The following FAM193B variants were observed in gnomAD, a reference collection of about 807,000 sequenced individuals.
FAM193B encodes the protein protein FAM193B.
In FAM193B, 27 loss-of-function variants were observed where a neutral mutation model predicts 70.7. The observed-to-expected ratio is 0.38, with a 90% CI of 0.28 to 0.53. FAM193B has a LOEUF of 0.53. Ranked by LOEUF, FAM193B falls within the 20% of genes least tolerant of loss-of-function variation. The probability of loss-of-function intolerance (pLI) is 0.81; values close to 1 mark genes in which losing one functional copy is unlikely to be tolerated. For missense variants in FAM193B, 1,022 were observed against 1,072.5 expected, an observed-to-expected ratio of 0.95 and a Z score of 0.66; for synonymous variants, 448 against 436.0, an observed-to-expected ratio of 1.03 and a Z score of -0.34.
At chr5:177,524,111 AC>A in intron 6 of FAM193B, 73 bp downstream of exon 6, 6 of 1,610,284 alleles carry the variant, frequency 3.7e-6, no homozygotes, top group Non-Finnish European at 5.1e-6. Context: ...CGCTGTCTAC[AC>A]ACAAAGGCTG....
intron 1 of FAM193B, chr5:177,553,642 G>A (rs1184572730): frequency 3.9e-6 from 5 of 1,272,192 alleles, no homozygotes; most frequent in Non-Finnish European, 5.1e-6. Flanking sequence ...TTGCGGAGCA[G>A]GGGAGGGAAG....
At position 177,532,137 on chromosome 5, in the gene FAM193B, AT is replaced by A. The variant is rs1763560986; in HGVS notation, c.1275+305del. 1 of 1,372,274 alleles carries A rather than the reference AT, an allele frequency of 7.3e-7. No individual in the cohort carries two copies. Among genetic ancestry groups the A allele is most frequent in the East Asian group, 4.0e-5 (1 of 25,004 alleles). 85.0% of individuals were successfully genotyped at this position (1,372,274 alleles called of 1,614,324 possible). A position where few individuals can be genotyped will look rare whatever the true frequency, so the allele number is the denominator to read the frequency against. On this transcript the variant is annotated intron_variant, in intron 5 of 8. Coordinates refer to ENST00000514747, the MANE Select transcript of FAM193B (RefSeq NM_001190946.3). The surrounding 1 kb of genome is among the most constrained non-coding windows in gnomAD (Gnocchi z 4.9). ...ACTCCCAAGCGTTCACTTCTCTGGG[AT>A]TACACACGTATACATACTCATCAGA...
chr5:177,551,558 T>C (rs973991937), intron 1 of FAM193B, among the ~76,000 whole-genome samples: 2 of 152,184 alleles, frequency 1.3e-5, no homozygotes, highest in Non-Finnish European at 2.9e-5. Flanking sequence ...TACTGCCTTG[T>C]GGAAAAGTGG....
chr5:177,529,774 T>G (rs984187591), intron 5 of FAM193B, among the ~76,000 whole-genome samples: 1 of 152,192 alleles, frequency 6.6e-6, no homozygotes, highest in Non-Finnish European at 1.5e-5. Flanking sequence ...ATGTGCTCTC[T>G]GGGGACCTAA....
chr5:177,542,005 C>T (rs1380144694), intron 1 of FAM193B, among the ~76,000 whole-genome samples: 4 of 152,208 alleles, frequency 2.6e-5, no homozygotes, highest in Admixed American at 6.5e-5. Flanking sequence ...CACAACCATC[C>T]TTTTCTTTCC....
chr5:177,528,747 G>T (rs1763005429), intron 5 of FAM193B, among the ~76,000 whole-genome samples: 1 of 152,254 alleles, frequency 6.6e-6, no homozygotes, highest in South Asian at 2.1e-4. Context: ...CTGACAGAAG[G>T]ACTGTGGGGA....
chr5:177,539,245 C>G, intron 1 of FAM193B, 98 bp from the exon 2 acceptor site: 1 of 1,403,838 alleles, frequency 7.1e-7, no homozygotes, highest in Non-Finnish European at 9.4e-7. Context: ...ACGTGCCAGG[C>G]ACTGGGTTAG....
intron 5 of FAM193B, chr5:177,531,886 A>G: frequency 2.5e-6 from 3 of 1,187,914 alleles, no homozygotes; most frequent in Non-Finnish European, 1.1e-6. Context: ...GTGACTAGCA[A>G]TTTAATTACT....
intron 7 of FAM193B, 21 bp downstream of exon 7, chr5:177,523,936 G>A (rs763116742): frequency 6.2e-7 from 1 of 1,612,460 alleles, no homozygotes; most frequent in East Asian, 2.2e-5. Context: ...ACAAGTGGGA[G>A]AGCAGGCAGC....
chr5:177,527,391 A>G (rs948699123), intron 5 of FAM193B, among the ~76,000 whole-genome samples: 32 of 152,172 alleles, frequency 2.1e-4, no homozygotes, highest in African/African-American at 7.2e-4. Flanking sequence ...GATGGCTTTT[A>G]AGGTAGTGGC....
In FAM193B at chr5:177,521,841, G is replaced by C. The variant is rs1761794138; in HGVS notation, c.*1+133C>G. 3 of 684,648 alleles carry C rather than the reference G, an allele frequency of 4.4e-6. No individual in the cohort carries two copies. The Admixed American group carries it at 7.2e-5, about 16-fold the overall frequency. The allele number at this position is 684,648 out of a possible 1,614,324, so 42.4% of individuals were successfully genotyped here. A position where few individuals can be genotyped will look rare whatever the true frequency, so the allele number is the denominator to read the frequency against. On this transcript the variant is annotated intron_variant, in intron 8 of 8. Coordinates refer to ENST00000514747, the MANE Select transcript of FAM193B (RefSeq NM_001190946.3). ...AGCCTGCCATTGCTGTGAAGATGCA[G>C]ACAGAAGCCAGGGATCCCATGCCCC...
At position 177,537,887 on chromosome 5, in the gene FAM193B, G is replaced by C. The variant is rs750033137; in HGVS notation, c.674C>G (p.Pro225Arg). The C allele has an allele frequency of 1.2e-5, 20 of 1,607,866 alleles. No homozygotes were observed. The highest frequency in any genetic ancestry group is 1.7e-5 in the Non-Finnish European group (20 of 1,177,000). The part of the protein sequence containing the change: ...GAMPGSSLGS[P>R]PTIPGEAFPV... ...TGGAGACTCACCGGGGATGGTAGGA[G>C]GACTCCCAAGAGAGCTGCCTGGCAT... is the stretch of plus-strand genomic sequence containing the variant. Residue 225 changes from proline (P) to arginine (R), a missense_variant, in exon 3 of 9, where the codon CCT becomes CGT. Pro to Arg is a moderately radical substitution (Grantham distance 103, BLOSUM62 -2). Coordinates refer to ENST00000514747, the MANE Select transcript of FAM193B (RefSeq NM_001190946.3).
At chr5:177,521,953 T>G in intron 8 of FAM193B, 21 bp downstream of exon 8, 1 of 1,598,566 alleles carries the variant, frequency 6.3e-7, no homozygotes, top group Non-Finnish European at 8.6e-7. Flanking sequence ...GCAGTGGATG[T>G]AACTCTTGGG....
At position 177,538,158 on chromosome 5, in the gene FAM193B, C is replaced by T. The variant is rs2127473625; in HGVS notation, c.454-51G>A. The stretch of plus-strand genomic sequence containing the variant: ...CACGGTCAAACAGCAAACATCGGAG[C>T]TGACCCTCTGCTGCCTCAGCTTTTC... On this transcript the variant is annotated intron_variant, in intron 2 of 8. Transcript: ENST00000514747. The surrounding 1 kb of genome is among the most constrained non-coding windows in gnomAD (Gnocchi z 4.1). The T allele has an allele frequency of 6.7e-7, 1 of 1,483,350 alleles. No homozygotes were observed. The highest frequency in any genetic ancestry group is 2.5e-5 in the East Asian group (1 of 40,142). 91.9% of individuals were successfully genotyped at this position (1,483,350 alleles called of 1,614,324 possible).
Position 177,538,839 on chromosome 5 carries a change from G to A in FAM193B, c.453+66C>T. ...CCAAGGAGAGCCACCTGAGGACAGGGAACAGCCTGACTTCCTTGGGGAGGA... is the reference window on the plus strand; with the variant it reads ...CCAAGGAGAGCCACCTGAGGACAGGAAACAGCCTGACTTCCTTGGGGAGGA... On this transcript the variant is annotated intron_variant, in intron 2 of 8. Coordinates refer to ENST00000514747, the MANE Select transcript of FAM193B (RefSeq NM_001190946.3). The surrounding 1 kb of genome is among the most constrained non-coding windows in gnomAD (Gnocchi z 4.1). 1 of 1,590,798 alleles carries A rather than the reference G, an allele frequency of 6.3e-7. No individual in the cohort carries two copies. Among genetic ancestry groups the A allele is most frequent in the Non-Finnish European group, 8.6e-7 (1 of 1,165,826 alleles).
At chr5:177,552,417 T>C (rs977929754) in intron 1 of FAM193B, among the ~76,000 whole-genome samples, 4 of 152,246 alleles carry the variant, frequency 2.6e-5, no homozygotes, top group African/African-American at 9.6e-5. Context: ...GGTAGGAACC[T>C]AGATGTCAAA....
chr5:177,554,323 G>A lies in FAM193B; in HGVS notation c.136C>T (p.Pro46Ser). ...TGGTCGGGCTCCGCCGGCGCCTCCG[G>A]AGGGCCTGCACCCGCTCCCGCCTCC... Reference protein sequence around the residue: ...SLEAGAGAGPPEAPAEPDHDG... With the variant: ...SLEAGAGAGPSEAPAEPDHDG... The change falls in exon 1 of 9, where the codon CCG (proline) becomes TCG (serine). Residue 46 changes from proline to serine, a missense_variant. Pro to Ser is a moderately conservative substitution (Grantham distance 74). Coordinates refer to ENST00000514747, the MANE Select transcript of FAM193B (RefSeq NM_001190946.3). The A allele has an allele frequency of 7.5e-7, 1 of 1,331,944 alleles. No homozygotes were observed. Among genetic ancestry groups the A allele is most frequent in the Non-Finnish European group, 9.7e-7 (1 of 1,036,026 alleles). The allele number at this position is 1,331,944 out of a possible 1,614,324, so 82.5% of individuals were successfully genotyped here.
In FAM193B at chr5:177,554,281, C is replaced by T. The variant is rs551628524; in HGVS notation, c.178G>A (p.Asp60Asn). The change falls in exon 1 of 9, where the codon GAT becomes AAT. Residue 60 changes from aspartate to asparagine, a missense_variant. Transcript: ENST00000514747. ...AEPDHDGPRE[D>N]DEPNLVPGPQ... ...CCGGGCACCAGGTTGGGTTCGTCAT[C>T]CTCCCTGGGGCCGTCGTGGTCGGGC... 1 of 1,468,026 alleles carries T rather than the reference C, an allele frequency of 6.8e-7. No homozygotes were observed. Among genetic ancestry groups the T allele is most frequent in the African/African-American group, 1.5e-5 (1 of 68,568 alleles). 90.9% of individuals were successfully genotyped at this position (1,468,026 alleles called of 1,614,324 possible). A position where few individuals can be genotyped will look rare whatever the true frequency, so the allele number is the denominator to read the frequency against.
intron 1 of FAM193B, among the ~76,000 whole-genome samples, chr5:177,548,383 G>T (rs1249239303): frequency 6.6e-6 from 1 of 152,218 alleles, no homozygotes; most frequent in African/African-American, 2.4e-5. Flanking sequence ...CACAATGGAA[G>T]ATTATACACA....
Sources: gnomAD v4.1 joint callset for allele counts (sites outside exome capture counted in the v4.1 genomes callset) on GRCh38, gnomAD v4.1.1 for gene constraint, Gnocchi (gnomAD v3.1) non-coding constraint, MANE v1.5 for transcripts, NCBI Gene and HGNC (gene_info 2026-07-23, HGNC 2026-07-21) for gene names.